Variants in LHFPL3 observed in about 807,000 individuals in gnomAD.
LHFPL3 encodes LHFPL tetraspan subfamily member 3, also known as LHFPL tetraspan subfamily member 3 protein.
In LHFPL3, 5 loss-of-function variants were observed where a neutral mutation model predicts 19.3. The ratio of observed to expected loss-of-function variants is 0.26; its 90% CI spans 0.14 to 0.54. LHFPL3 has a LOEUF of 0.54. Ranked by LOEUF, LHFPL3 falls within the 20% of genes least tolerant of loss-of-function variation. LHFPL3 has a pLI of 0.94. For missense variants in LHFPL3, 249 were observed against 307.4 expected, an observed-to-expected ratio of 0.81 and a Z score of 1.42; for synonymous variants, 133 against 126.2, an observed-to-expected ratio of 1.05 and a Z score of -0.36.
intron 2 of LHFPL3, among the ~76,000 whole-genome samples, chr7:104,792,528 G>C (rs1477116336): frequency 2.0e-5 from 3 of 152,138 alleles, no homozygotes; most frequent in African/African-American, 4.8e-5. Context: ...CGAGACTGCT[G>C]CCTCTGGGTA....
At chr7:104,790,594 T>C (rs755875071) in intron 2 of LHFPL3, among the ~76,000 whole-genome samples, 18 of 152,310 alleles carry the variant, frequency 1.2e-4, no homozygotes, top group Middle Eastern at 3.4e-3. Context: ...AAACTCATGG[T>C]TCCTAAAGCA....
intron 1 of LHFPL3, among the ~76,000 whole-genome samples, chr7:104,625,786 T>A (rs1024000840): frequency 2.0e-5 from 3 of 152,226 alleles, no homozygotes; most frequent in Non-Finnish European, 4.4e-5. Context: ...ACGAATTTTT[T>A]AACTCTTCCT....
intron 1 of LHFPL3, among the ~76,000 whole-genome samples, chr7:104,509,833 G>A (rs1053499259): frequency 2.2e-4 from 34 of 152,026 alleles, no homozygotes; most frequent in Non-Finnish European, 4.4e-5. Context: ...GACGATCTAT[G>A]TAGAAAGTCC....
At chr7:104,435,545 T>C in intron 1 of LHFPL3, among the ~76,000 whole-genome samples, 1 of 149,352 alleles carries the variant, frequency 6.7e-6, no homozygotes, top group East Asian at 1.9e-4. Flanking sequence ...ATGACTTTTA[T>C]ATTTTTCTTT....
chr7:104,483,723 C>T (rs766410038), intron 1 of LHFPL3, among the ~76,000 whole-genome samples: 1 of 152,162 alleles, frequency 6.6e-6, no homozygotes, highest in Non-Finnish European at 1.5e-5. Flanking sequence ...TCAAGCAATC[C>T]TCCCACCTCA....
chr7:104,361,809 G>A (rs969351265), intron 1 of LHFPL3, among the ~76,000 whole-genome samples: 1 of 152,174 alleles, frequency 6.6e-6, no homozygotes, highest in Admixed American at 6.5e-5. Flanking sequence ...TAATGAGAGA[G>A]ACCACTGTGA....
chr7:104,514,933 T>C (rs1793891639), intron 1 of LHFPL3, among the ~76,000 whole-genome samples: 2 of 152,182 alleles, frequency 1.3e-5, no homozygotes, highest in Non-Finnish European at 2.9e-5. Flanking sequence ...TTCTTTTCTG[T>C]TAGAATAATC....
chr7:104,551,117 A>G (rs895382682), intron 1 of LHFPL3, among the ~76,000 whole-genome samples: 4 of 60,240 alleles, frequency 6.6e-5, no homozygotes, highest in Non-Finnish European at 1.2e-4. Context: ...ATCCTTGTGT[A>G]CACACACACA....
At chr7:104,827,877 G>C (rs930335225) in intron 2 of LHFPL3, among the ~76,000 whole-genome samples, 5 of 151,804 alleles carry the variant, frequency 3.3e-5, no homozygotes, top group African/African-American at 1.2e-4. Flanking sequence ...CTGCTCTCTG[G>C]GGACCTCACA....
In LHFPL3 at chr7:104,872,967, G is replaced by A. The variant is rs575817282; in HGVS notation, c.683-33220G>A. ...GCTAGACTTTTCTATGACTGGCAGCGCAGTAGATTTGTTTACACCAGCATC... is the reference window on the plus strand; with the variant it reads ...GCTAGACTTTTCTATGACTGGCAGCACAGTAGATTTGTTTACACCAGCATC... On this transcript the variant is annotated intron_variant, in intron 2 of 2. Coordinates refer to ENST00000424859, the MANE Select transcript of LHFPL3 (RefSeq NM_199000.3). Among the ~76,000 whole-genome samples, 18 of 152,248 alleles carry A rather than the reference G, an allele frequency of 1.2e-4. No homozygotes were observed. The South Asian group carries it at 2.5e-3, about 21-fold the overall frequency.
At chr7:104,689,014 T>C (rs1039000541) in intron 1 of LHFPL3, among the ~76,000 whole-genome samples, 1 of 152,204 alleles carries the variant, frequency 6.6e-6, no homozygotes, top group Non-Finnish European at 1.5e-5. Context: ...ATTTGCTTGG[T>C]TGGCTGAGTG....
At chr7:104,614,591 CTCTT>C (rs1186374929) in intron 1 of LHFPL3, among the ~76,000 whole-genome samples, 7 of 89,616 alleles carry the variant, frequency 7.8e-5, no homozygotes, top group African/African-American at 3.4e-4. Context: ...TCTCTTCTCT[CTCTT>C]CTCTTCTCTT....
intron 2 of LHFPL3, among the ~76,000 whole-genome samples, chr7:104,749,017 T>G (rs1388315132): frequency 2.0e-5 from 3 of 152,268 alleles, no homozygotes; most frequent in Non-Finnish European, 2.9e-5. Context: ...AGTCTGAGTT[T>G]CCTCTTAAGA....
At chr7:104,516,687 A>T (rs1211160613) in intron 1 of LHFPL3, among the ~76,000 whole-genome samples, 1 of 152,150 alleles carries the variant, frequency 6.6e-6, no homozygotes, top group East Asian at 1.9e-4. Context: ...ATGCTTATAC[A>T]CTGTTGGTGG....
At chr7:104,348,687 T>A (rs1165422996) in intron 1 of LHFPL3, among the ~76,000 whole-genome samples, 1 of 152,186 alleles carries the variant, frequency 6.6e-6, no homozygotes, top group Non-Finnish European at 1.5e-5. Context: ...CAAAAGAAAT[T>A]CTTTTTGTTC....
chr7:104,454,235 G>A (rs1419496709), intron 1 of LHFPL3, among the ~76,000 whole-genome samples: 2 of 152,184 alleles, frequency 1.3e-5, no homozygotes, highest in Admixed American at 1.3e-4. Context: ...GGTGTTATGT[G>A]TGTACAAGTT....
chr7:104,745,837 T>C (rs530694735), intron 2 of LHFPL3, among the ~76,000 whole-genome samples: 1 of 152,206 alleles, frequency 6.6e-6, no homozygotes, highest in Admixed American at 6.5e-5. Flanking sequence ...AAATTTTGTC[T>C]TCTTGAAAAA....
At chr7:104,867,843 A>C (rs184834348) in intron 2 of LHFPL3, among the ~76,000 whole-genome samples, 31 of 152,346 alleles carry the variant, frequency 2.0e-4, no homozygotes, top group African/African-American at 6.7e-4. Flanking sequence ...AATACTGGCA[A>C]ACTGAATCCA....
chr7:104,842,196 A>AAAT (rs1791225043), intron 2 of LHFPL3, among the ~76,000 whole-genome samples: 1 of 149,676 alleles, frequency 6.7e-6, no homozygotes, highest in Admixed American at 6.7e-5. Context: ...AAAAAAAAAA[A>AAAT]AATCAGTCAT....
Sources: allele counts gnomAD v4.1 joint callset (sites outside exome capture counted in the v4.1 genomes callset), GRCh38; gene constraint gnomAD v4.1.1; transcripts MANE v1.5; gene names NCBI Gene and HGNC (gene_info 2026-07-23, HGNC 2026-07-21).